The following GOLM2 variants were observed in gnomAD, a reference collection of about 807,000 sequenced individuals.
The protein encoded by GOLM2 is golgi membrane protein 2.
Under a neutral mutation model 55.9 loss-of-function variants are expected in GOLM2, and 26 were observed. That is an observed-to-expected ratio of 0.47 (90% confidence interval 0.34 to 0.65). The LOEUF (loss-of-function observed/expected upper bound fraction) is 0.65, where lower values mean the gene tolerates loss of function less well. Ranked by LOEUF, GOLM2 falls within the 30% of genes least tolerant of loss-of-function variation. The pLI is 0.01. For missense variants in GOLM2, 486 were observed against 531.8 expected, an observed-to-expected ratio of 0.91 and a Z score of 0.85; for synonymous variants, 165 against 194.6, an observed-to-expected ratio of 0.85 and a Z score of 1.27.
intron 8 of GOLM2, among the ~76,000 whole-genome samples, chr15:44,390,770 T>A (rs1364026873): frequency 6.6e-6 from 1 of 152,086 alleles, no homozygotes; most frequent in Middle Eastern, 3.2e-3. Flanking sequence ...GGTTTCTCCA[T>A]GTTGGTCGGG....
chr15:44,349,957 C>A (rs151305449), intron 6 of GOLM2, among the ~76,000 whole-genome samples: 2 of 152,018 alleles, frequency 1.3e-5, no homozygotes, highest in Non-Finnish European at 1.5e-5. Flanking sequence ...ATAATGGAAA[C>A]ACAATATACC....
At chr15:44,411,506 A>AT (rs969316222) in intron 9 of GOLM2, among the ~76,000 whole-genome samples, 7 of 152,092 alleles carry the variant, frequency 4.6e-5, no homozygotes, top group African/African-American at 1.7e-4. Context: ...AAGAAAAGTG[A>AT]TTTTTTAAGT....
intron 6 of GOLM2, among the ~76,000 whole-genome samples, chr15:44,368,880 G>A (rs2079304518): frequency 6.7e-6 from 1 of 149,428 alleles, no homozygotes; most frequent in African/African-American, 2.5e-5. Context: ...TGTATGTCTA[G>A]TAATTTTATT....
At chr15:44,305,433 G>A (rs1284412901) in intron 1 of GOLM2, among the ~76,000 whole-genome samples, 1 of 151,888 alleles carries the variant, frequency 6.6e-6, no homozygotes, top group Non-Finnish European at 1.5e-5. Context: ...CGAGTAGCTG[G>A]GACCACAGGT....
rs1415824866 is a variant in GOLM2 at position 44,373,423 on chromosome 15, C to T, written c.803-6267C>T. The stretch of plus-strand genomic sequence containing the variant: ...AGTGAGCCGAGTTCGTGCCACTGCA[C>T]TCCAGCCTGGGCGACAGAGCGAGAC... On this transcript the variant is annotated intron_variant, in intron 6 of 9. Transcript: ENST00000299957. 2.7e-5 allele frequency among the ~76,000 whole-genome samples: 4 copies of T among 149,910 alleles called. No individual in the cohort carries two copies. The Admixed American group carries it at 2.7e-4, about 10-fold the overall frequency.
rs1051370763 is a variant in GOLM2, at chr15:44,338,005, G to A, written c.721+98G>A. 2.0e-5 allele frequency: 25 copies of A among 1,223,424 alleles called. No homozygotes were observed. The South Asian group carries it at 3.5e-4, about 17-fold the overall frequency. The allele number at this position is 1,223,424 out of a possible 1,614,324, so 75.8% of individuals were successfully genotyped here. On this transcript the variant is annotated intron_variant, in intron 5 of 9. Transcript: ENST00000299957. Reference sequence around the variant, plus strand: ...TTTTCAATCATAAAGAAAATTGTTTGATTTTAGTTCACACATGATTAAGTG... The same window carrying A: ...TTTTCAATCATAAAGAAAATTGTTTAATTTTAGTTCACACATGATTAAGTG...
At chr15:44,364,330 C>A (rs949196842) in intron 6 of GOLM2, among the ~76,000 whole-genome samples, 3 of 151,168 alleles carry the variant, frequency 2.0e-5, no homozygotes, top group Non-Finnish European at 4.4e-5. Context: ...TTGAGACCAG[C>A]CTGGGCAATA....
At chr15:44,350,719 T>C (rs2079155846) in intron 6 of GOLM2, among the ~76,000 whole-genome samples, 1 of 152,064 alleles carries the variant, frequency 6.6e-6, no homozygotes, top group Admixed American at 6.6e-5. Context: ...GGTGCAAAAA[T>C]CCTTAACAAA....
intron 6 of GOLM2, among the ~76,000 whole-genome samples, chr15:44,358,259 C>T (rs2079210988): frequency 6.6e-6 from 1 of 152,166 alleles, no homozygotes; most frequent in Non-Finnish European, 1.5e-5. Flanking sequence ...AAGGCTAAGG[C>T]ATGAGAGTCA....
intron 6 of GOLM2, among the ~76,000 whole-genome samples, chr15:44,359,867 G>A (rs980652850): frequency 2.0e-5 from 3 of 152,162 alleles, no homozygotes; most frequent in Non-Finnish European, 2.9e-5. Flanking sequence ...GGAGAAACTC[G>A]ATAAGCCAGA....
intron 8 of GOLM2, among the ~76,000 whole-genome samples, chr15:44,382,879 T>C (rs971290621): frequency 1.1e-4 from 16 of 144,976 alleles, no homozygotes; most frequent in Non-Finnish European, 4.5e-5. Context: ...GCCAAGATTG[T>C]GCCACTGCAC....
At chr15:44,409,932 A>T (rs943998383) in intron 9 of GOLM2, 1 of 150,682 alleles carries the variant, frequency 6.6e-6, no homozygotes. Flanking sequence ...AAAAAAAAAA[A>T]TCCCAAAAAG....
chr15:44,329,466 A>AT (rs2079007069), intron 3 of GOLM2, among the ~76,000 whole-genome samples: 1 of 152,138 alleles, frequency 6.6e-6, no homozygotes, highest in South Asian at 2.1e-4. Context: ...AGTATTCAGT[A>AT]TTTTTCTGCA....
At chr15:44,359,762 A>C (rs1337072316) in intron 6 of GOLM2, among the ~76,000 whole-genome samples, 1 of 152,178 alleles carries the variant, frequency 6.6e-6, no homozygotes, top group Non-Finnish European at 1.5e-5. Flanking sequence ...AGATTCACCA[A>C]AGTTGAAATG....
At chr15:44,321,262 G>T (rs1192541540) in intron 1 of GOLM2, among the ~76,000 whole-genome samples, 1 of 151,920 alleles carries the variant, frequency 6.6e-6, no homozygotes, top group African/African-American at 2.4e-5. Context: ...GCTTAAGCCC[G>T]GGAGTTCAAG....
At chr15:44,396,365 A>T (rs28506074) in intron 8 of GOLM2, among the ~76,000 whole-genome samples, 1 of 152,142 alleles carries the variant, frequency 6.6e-6, no homozygotes, top group Non-Finnish European at 1.5e-5. Flanking sequence ...CAAAAAAAAA[A>T]ATTTTTTTTT....
intron 1 of GOLM2, among the ~76,000 whole-genome samples, chr15:44,304,527 C>G (rs1192108103): frequency 1.3e-5 from 2 of 152,128 alleles, no homozygotes; most frequent in Non-Finnish European, 2.9e-5. Flanking sequence ...CAGGCATAAG[C>G]CATCGCTCCC....
chr15:44,295,652 G>A (rs1029000776), intron 1 of GOLM2, among the ~76,000 whole-genome samples: 5 of 152,150 alleles, frequency 3.3e-5, no homozygotes, highest in Admixed American at 3.3e-4. Flanking sequence ...GTTTTTCTCT[G>A]AACTTCTCTC....
intron 1 of GOLM2, among the ~76,000 whole-genome samples, chr15:44,314,719 G>A (rs1170651439): frequency 2.0e-5 from 3 of 152,262 alleles, no homozygotes; most frequent in Admixed American, 6.5e-5. Flanking sequence ...AATAAAAAAT[G>A]TTAATCACCT....
Sources: gnomAD v4.1 joint callset for allele counts (sites outside exome capture counted in the v4.1 genomes callset) on GRCh38, gnomAD v4.1.1 for gene constraint, MANE v1.5 for transcripts, NCBI Gene and HGNC (gene_info 2026-07-23, HGNC 2026-07-21) for gene names.